Variants in ARHGAP26 observed in about 807,000 individuals in gnomAD.
The protein encoded by ARHGAP26 is rho GTPase-activating protein 26.
In ARHGAP26, 38 loss-of-function variants were observed where a neutral mutation model predicts 104.8. The observed-to-expected ratio is 0.36, with a 90% confidence interval of 0.28 to 0.48. ARHGAP26 has a LOEUF of 0.48. ARHGAP26 is among the 20% of genes least tolerant of loss of function. ARHGAP26 has a pLI of 0.99. For synonymous variants in ARHGAP26, 341 were observed against 340.0 expected (o/e 1.00, Z -0.03); for missense variants, 704 against 947.9 (o/e 0.74, Z 3.38).
intron 20 of ARHGAP26, among the ~76,000 whole-genome samples, chr5:143,151,767 A>T (rs1291344061): frequency 2.6e-5 from 4 of 152,022 alleles, no homozygotes; most frequent in African/African-American, 9.7e-5. Context: ...ACCAGCCTGG[A>T]CAACATGGTG....
intron 1 of ARHGAP26, among the ~76,000 whole-genome samples, chr5:142,867,253 A>G (rs1754451788): frequency 6.6e-6 from 1 of 151,458 alleles, no homozygotes; most frequent in South Asian, 2.1e-4. Flanking sequence ...GAAAAATGCT[A>G]TGGAGAATTT....
chr5:142,781,773 A>G (rs781482614), intron 1 of ARHGAP26, among the ~76,000 whole-genome samples: 1 of 151,986 alleles, frequency 6.6e-6, no homozygotes, highest in Non-Finnish European at 1.5e-5. Context: ...GTGCAGTGGT[A>G]TTATCTTGGC....
Position 143,207,268 on chromosome 5 carries a change from A to G in ARHGAP26, c.2059A>G (p.Met687Val), listed in dbSNP as rs776158322. 6.2e-7 allele frequency: 1 copy of G among 1,613,676 alleles called. No individual in the cohort carries two copies. Among genetic ancestry groups the G allele is most frequent in the Admixed American group, 1.7e-5 (1 of 59,986 alleles). Reference protein sequence around the residue: ...WPMFSAPSSPMPTSSTSSDSS... With the variant: ...WPMFSAPSSPVPTSSTSSDSS... ...CATGTTCTCGGCGCCATCCAGCCCT[A>G]TGCCCACCTCATCCACGTCCAGCGA... is the stretch of plus-strand genomic sequence containing the variant. Residue 687 changes from methionine (M) to valine (V), a missense_variant, in exon 21 of 23, where the codon ATG (methionine) becomes GTG (valine). Physicochemically the swap from Met to Val is conservative, Grantham distance 21 (BLOSUM62 1). Transcript: ENST00000645722.
At chr5:143,173,586 C>T (rs1803084416) in intron 20 of ARHGAP26, among the ~76,000 whole-genome samples, 1 of 152,180 alleles carries the variant, frequency 6.6e-6, no homozygotes, top group South Asian at 2.1e-4. Flanking sequence ...TTTCTTAATC[C>T]TCACAGTCAC....
chr5:143,018,105 C>T (rs1329145269), intron 12 of ARHGAP26, among the ~76,000 whole-genome samples: 1 of 152,204 alleles, frequency 6.6e-6, no homozygotes, highest in Non-Finnish European at 1.5e-5. Flanking sequence ...TGAATTTGAG[C>T]ATCTATTCAT....
chr5:142,885,171 C>T (rs1349355975), intron 4 of ARHGAP26, 127 bp from the exon 5 acceptor site: 1 of 713,904 alleles, frequency 1.4e-6, no homozygotes, highest in Non-Finnish European at 2.4e-6. Flanking sequence ...ATTTAATGGG[C>T]ATTACCTGAA....
chr5:142,903,625 T>G lies in ARHGAP26; in HGVS notation c.788T>G (p.Ile263Ser), dbSNP rs1760685185. ...MKENPLEHKT[I>S]SPYTMEGYLY... ...GAGAATCCCCTTGAGCACAAGACCA[T>G]CAGTCCCTACACCATGGAGGGATAC... The change falls in exon 8 of 23, where the codon ATC (isoleucine) becomes AGC (serine). Residue 263 changes from isoleucine (I) to serine (S), a missense_variant. Physicochemically the swap from Ile to Ser is moderately radical, Grantham distance 142. This residue lies in a region of ARHGAP26 where 287 missense variants were observed against 438.8 expected (regional missense o/e 0.65). Transcript: ENST00000645722. 6.2e-7 allele frequency: 1 copy of G among 1,613,868 alleles called. No homozygotes were observed. The highest frequency in any genetic ancestry group is 1.3e-5 in the African/African-American group (1 of 74,892).
intron 17 of ARHGAP26, among the ~76,000 whole-genome samples, chr5:143,083,782 A>T (rs1198452170): frequency 7.9e-5 from 12 of 152,356 alleles, no homozygotes; most frequent in African/African-American, 2.2e-4. Context: ...TATAGGCATG[A>T]GCCACTGCAC....
intron 17 of ARHGAP26, among the ~76,000 whole-genome samples, chr5:143,077,153 C>T (rs1381117915): frequency 3.3e-5 from 5 of 152,162 alleles, no homozygotes; most frequent in Admixed American, 6.5e-5. Context: ...GTGTCCCAGG[C>T]GGTGCTCTAA....
chr5:143,039,682 G>A (rs938773709), intron 13 of ARHGAP26, among the ~76,000 whole-genome samples: 4 of 151,906 alleles, frequency 2.6e-5, no homozygotes, highest in South Asian at 2.1e-4. Flanking sequence ...CCACCTATTC[G>A]TCTCTCAGTC....
intron 17 of ARHGAP26, among the ~76,000 whole-genome samples, chr5:143,110,532 G>A (rs182895982): frequency 5.9e-5 from 9 of 152,204 alleles, no homozygotes; most frequent in Admixed American, 5.9e-4. Context: ...AACAGGAACC[G>A]GCATTTGCAG....
chr5:143,022,783 A>G (rs530207765), intron 12 of ARHGAP26, among the ~76,000 whole-genome samples: 233 of 152,332 alleles, frequency 1.5e-3, no homozygotes, highest in African/African-American at 5.5e-3. Flanking sequence ...GTTGAGAAGT[A>G]GTGAAGCTCA....
chr5:142,879,483 G>T, intron 4 of ARHGAP26, 38 bp downstream of exon 4: 1 of 1,552,196 alleles, frequency 6.4e-7, no homozygotes, highest in Non-Finnish European at 8.8e-7. Context: ...ATTTTAGGGT[G>T]AGAGGTCTGG....
chr5:142,943,767 C>G (rs904085353), intron 11 of ARHGAP26, among the ~76,000 whole-genome samples: 2 of 152,142 alleles, frequency 1.3e-5, no homozygotes, highest in African/African-American at 4.8e-5. Context: ...TTGCAAGCCT[C>G]AGATCATTGT....
At chr5:143,092,159 T>G (rs1457497607) in intron 17 of ARHGAP26, among the ~76,000 whole-genome samples, 3 of 118,400 alleles carry the variant, frequency 2.5e-5, no homozygotes, top group South Asian at 2.6e-4. Flanking sequence ...CATCCCTTTG[T>G]TTTTTTTTTT....
chr5:142,921,669 C>G (rs1053758932), intron 10 of ARHGAP26: 1 of 166,054 alleles, frequency 6.0e-6, no homozygotes, highest in African/African-American at 2.4e-5. Flanking sequence ...CTGCATGATG[C>G]AGGTAAAAAA....
At chr5:142,919,941 G>T (rs910762666) in intron 10 of ARHGAP26, among the ~76,000 whole-genome samples, 2 of 152,188 alleles carry the variant, frequency 1.3e-5, no homozygotes, top group African/African-American at 2.4e-5. Context: ...GATGGAGGTT[G>T]CAGTGAGCTG....
intron 19 of ARHGAP26, among the ~76,000 whole-genome samples, chr5:143,136,717 C>T (rs771241288): frequency 6.6e-6 from 1 of 152,112 alleles, no homozygotes. Flanking sequence ...TCCAGCCACC[C>T]GTCACTGTCG....
chr5:143,120,325 G>A (rs927355502), intron 17 of ARHGAP26, among the ~76,000 whole-genome samples: 1 of 152,156 alleles, frequency 6.6e-6, no homozygotes, highest in African/African-American at 2.4e-5. Context: ...TGTTGACCCT[G>A]TGTGTTTGTT....
Sources: allele counts gnomAD v4.1 joint callset (sites outside exome capture counted in the v4.1 genomes callset), GRCh38; gene constraint gnomAD v4.1.1; regional missense constraint gnomAD v4.1.1; transcripts MANE v1.5; gene names NCBI Gene and HGNC (gene_info 2026-07-23, HGNC 2026-07-21).